Variants in FGF12 observed in about 807,000 individuals in gnomAD.
FGF12 encodes the protein fibroblast growth factor 12.
A neutral mutation model predicts 23.6 loss-of-function variants in FGF12; 14 were observed. The ratio of observed to expected loss-of-function variants is 0.59; its 90% confidence interval spans 0.39 to 0.93. The LOEUF (loss-of-function observed/expected upper bound fraction) is 0.93. FGF12 is among the 40% of genes least tolerant of loss of function. The pLI is 0.00. For missense variants in FGF12, 175 were observed against 217.8 expected (o/e 0.80, Z 1.24); for synonymous variants, 62 against 77.3 (o/e 0.80, Z 1.04).
At chr3:192,347,250 C>CGTA (rs1718007279) in intron 3 of FGF12, among the ~76,000 whole-genome samples, 1 of 152,144 alleles carries the variant, frequency 6.6e-6, no homozygotes, top group Non-Finnish European at 1.5e-5. Flanking sequence ...CAAATCTTAC[C>CGTA]AGTCAATGAA....
chr3:192,384,701 T>C (rs540029589), intron 2 of FGF12, among the ~76,000 whole-genome samples: 1 of 152,310 alleles, frequency 6.6e-6, no homozygotes, highest in East Asian at 1.9e-4. Flanking sequence ...ACACTGAATA[T>C]CTGCTGAGGA....
At chr3:192,489,501 T>G (rs1723736343) in intron 2 of FGF12, among the ~76,000 whole-genome samples, 1 of 152,090 alleles carries the variant, frequency 6.6e-6, no homozygotes, top group Non-Finnish European at 1.5e-5. Context: ...CCCAGGTAAC[T>G]AATCATAATC....
chr3:192,265,027 C>CA (rs1712992035), intron 4 of FGF12, among the ~76,000 whole-genome samples: 1 of 152,032 alleles, frequency 6.6e-6, no homozygotes, highest in South Asian at 2.1e-4. Flanking sequence ...ATAAGTAAGT[C>CA]AAACTTCAGG....
At chr3:192,298,470 G>A (rs971752744) in intron 4 of FGF12, among the ~76,000 whole-genome samples, 3 of 152,164 alleles carry the variant, frequency 2.0e-5, no homozygotes, top group Non-Finnish European at 4.4e-5. Context: ...GTTTATTTTG[G>A]CCAGTCACAG....
intron 3 of FGF12, among the ~76,000 whole-genome samples, chr3:192,343,172 T>C (rs1432536520): frequency 6.6e-6 from 1 of 152,186 alleles, no homozygotes; most frequent in Non-Finnish European, 1.5e-5. Context: ...TCTAGATCTA[T>C]TTTGTCAAAT....
intron 2 of FGF12, among the ~76,000 whole-genome samples, chr3:192,668,630 G>A (rs1214559503): frequency 6.6e-6 from 1 of 152,114 alleles, no homozygotes; most frequent in Non-Finnish European, 1.5e-5. Flanking sequence ...ACCCAGAAAC[G>A]GCAGAACTCA....
intron 2 of FGF12, among the ~76,000 whole-genome samples, chr3:192,387,278 T>G (rs1404416148): frequency 6.6e-6 from 1 of 152,174 alleles, no homozygotes; most frequent in Non-Finnish European, 1.5e-5. Context: ...TTGGCCCTTT[T>G]ATGATTTCAC....
intron 2 of FGF12, among the ~76,000 whole-genome samples, chr3:192,645,412 G>C (rs1715966636): frequency 6.6e-6 from 1 of 152,138 alleles, no homozygotes. Flanking sequence ...ATTAATAGCT[G>C]AAGAAAGAAA....
intron 2 of FGF12, among the ~76,000 whole-genome samples, chr3:192,487,315 T>C (rs897040388): frequency 2.2e-4 from 34 of 152,180 alleles, no homozygotes; most frequent in African/African-American, 8.0e-4. Context: ...TGGTAAAGAC[T>C]ATGCCAACTT....
intron 4 of FGF12, among the ~76,000 whole-genome samples, chr3:192,183,982 C>G (rs967713034): frequency 6.6e-6 from 1 of 151,942 alleles, no homozygotes; most frequent in African/African-American, 2.4e-5. Flanking sequence ...CAGCACTTTG[C>G]GAGGTCGAGG....
rs1280932474 is a variant in FGF12, at chr3:192,514,895, C to G, written c.14-154357G>C. 9 of 985,112 alleles carry G rather than the reference C, an allele frequency of 9.1e-6. No individual in the cohort carries two copies. The highest frequency in any genetic ancestry group is 1.1e-5 in the Non-Finnish European group (9 of 829,754). The allele number at this position is 985,112 out of a possible 1,614,324, so 61.0% of individuals were successfully genotyped here. On this transcript the variant is annotated intron_variant, in intron 2 of 5. Transcript: ENST00000445105. This position sits in a 1 kb window ranked among gnomAD's most constrained non-coding sequence, Gnocchi z 4.9. ...GTGGAGGGGAGTTTGCACATGGAGC[C>G]GGAGGGAGCCCGGGCGCCGGCAGGG...
chr3:192,576,584 A>T (rs1417426528), intron 2 of FGF12, among the ~76,000 whole-genome samples: 1 of 152,194 alleles, frequency 6.6e-6, no homozygotes, highest in Non-Finnish European at 1.5e-5. Flanking sequence ...TCCTTATACT[A>T]AGAGAATGAT....
intron 2 of FGF12, among the ~76,000 whole-genome samples, chr3:192,680,299 C>T (rs1353601852): frequency 2.6e-5 from 4 of 152,134 alleles, no homozygotes; most frequent in African/African-American, 9.7e-5. Flanking sequence ...AGGTGAAAAA[C>T]AAGATGACTG....
intron 2 of FGF12, among the ~76,000 whole-genome samples, chr3:192,463,680 C>G (rs560047330): frequency 6.6e-6 from 1 of 152,024 alleles, no homozygotes; most frequent in Non-Finnish European, 1.5e-5. Flanking sequence ...TGGGTGCTTT[C>G]GGAACTCTGC....
chr3:192,523,089 A>C (rs1724861958), intron 2 of FGF12, among the ~76,000 whole-genome samples: 1 of 152,228 alleles, frequency 6.6e-6, no homozygotes, highest in South Asian at 2.1e-4. Flanking sequence ...TTTGGCTTTG[A>C]TTTTTAAAAC....
At chr3:192,708,488 T>C (rs1437353932) in intron 2 of FGF12, among the ~76,000 whole-genome samples, 1 of 152,240 alleles carries the variant, frequency 6.6e-6, no homozygotes, top group Non-Finnish European at 1.5e-5. Flanking sequence ...TTACCTTCTA[T>C]TGTATACTTA....
At chr3:192,170,322 C>A in intron 5 of FGF12, 136 bp downstream of exon 5, 1 of 641,062 alleles carries the variant, frequency 1.6e-6, no homozygotes, top group Non-Finnish European at 2.7e-6. Flanking sequence ...CTATTGTGTT[C>A]TCTGAATATT....
chr3:192,295,066 A>C (rs1316283703), intron 4 of FGF12, among the ~76,000 whole-genome samples: 1 of 152,240 alleles, frequency 6.6e-6, no homozygotes, highest in African/African-American at 2.4e-5. Flanking sequence ...TGAGGCTTTA[A>C]GACTCAGAGT....
chr3:192,623,045 C>T (rs570011550), intron 2 of FGF12, among the ~76,000 whole-genome samples: 4 of 152,266 alleles, frequency 2.6e-5, no homozygotes, highest in Admixed American at 6.5e-5. Context: ...ATCAAAGTGT[C>T]ACTCATTATT....
Sources: gnomAD v4.1 joint callset for allele counts (sites outside exome capture counted in the v4.1 genomes callset) on GRCh38, gnomAD v4.1.1 for gene constraint, Gnocchi (gnomAD v3.1) non-coding constraint, MANE v1.5 for transcripts, NCBI Gene and HGNC (gene_info 2026-07-23, HGNC 2026-07-21) for gene names.